Variants in ALOX5 observed in about 807,000 individuals in gnomAD.
ALOX5 encodes the protein arachidonate 5-lipoxygenase.
A neutral mutation model predicts 87.9 loss-of-function variants in ALOX5; 64 were observed. The observed-to-expected ratio is 0.73, with a 90% confidence interval of 0.60 to 0.90. The LOEUF (loss-of-function observed/expected upper bound fraction) is 0.90, where lower values mean the gene tolerates loss of function less well. Ranked by LOEUF, ALOX5 falls within the 40% of genes least tolerant of loss-of-function variation. The probability of loss-of-function intolerance (pLI) is 0.00; values close to 1 mark genes in which losing one functional copy is unlikely to be tolerated. For synonymous variants in ALOX5, 388 were observed against 355.1 expected (o/e 1.09, Z -1.04); for missense variants, 822 against 907.5 (o/e 0.91, Z 1.21).
intron 7 of ALOX5, among the ~76,000 whole-genome samples, chr10:45,430,372 G>T (rs1841865618): frequency 6.6e-6 from 1 of 151,588 alleles, no homozygotes; most frequent in South Asian, 2.1e-4. Flanking sequence ...TTCTTTGAAA[G>T]GTCCAAAAAA....
intron 2 of ALOX5, among the ~76,000 whole-genome samples, chr10:45,394,243 G>T (rs1840413422): frequency 6.6e-6 from 1 of 152,132 alleles, no homozygotes; most frequent in Non-Finnish European, 1.5e-5. Context: ...CATGGTACTG[G>T]TACCAAAACA....
At chr10:45,379,364 T>TG (rs1564408338) in intron 1 of ALOX5, among the ~76,000 whole-genome samples, 1 of 152,114 alleles carries the variant, frequency 6.6e-6, no homozygotes, top group Non-Finnish European at 1.5e-5. Flanking sequence ...GGGCCTCTGG[T>TG]GGCCGCCCCT....
intron 3 of ALOX5, among the ~76,000 whole-genome samples, chr10:45,410,674 T>G (rs200634300): frequency 3.3e-5 from 5 of 152,204 alleles, no homozygotes; most frequent in Non-Finnish European, 5.9e-5. Flanking sequence ...AAAGAAAATT[T>G]TAAAAGGAAG....
chr10:45,416,880 G>A (rs1329387021), intron 4 of ALOX5, among the ~76,000 whole-genome samples: 1 of 151,936 alleles, frequency 6.6e-6, no homozygotes, highest in Non-Finnish European at 1.5e-5. Context: ...ATGGATTGAT[G>A]GGTGGATGGT....
intron 2 of ALOX5, among the ~76,000 whole-genome samples, chr10:45,391,910 C>G (rs983515720): frequency 5.2e-5 from 6 of 114,466 alleles, no homozygotes; most frequent in African/African-American, 1.7e-4. Flanking sequence ...AAGTGAGGAG[C>G]CCCTCCGCCC....
At chr10:45,380,483 C>G (rs898339256) in intron 1 of ALOX5, among the ~76,000 whole-genome samples, 1 of 152,232 alleles carries the variant, frequency 6.6e-6, no homozygotes, top group African/African-American at 2.4e-5. Context: ...TTAGGAAGCC[C>G]TCCAGGGGTC....
chr10:45,435,738 A>T (rs1000182084), intron 7 of ALOX5, among the ~76,000 whole-genome samples: 1 of 152,214 alleles, frequency 6.6e-6, no homozygotes. Context: ...GCTGCAATAA[A>T]CATATGTGTG....
intron 1 of ALOX5, among the ~76,000 whole-genome samples, chr10:45,375,166 C>T (rs932000973): frequency 6.6e-6 from 1 of 152,172 alleles, no homozygotes; most frequent in African/African-American, 2.4e-5. Flanking sequence ...AGAGGCTTTT[C>T]CTAAATGGAG....
At chr10:45,437,039 T>A (rs946272994) in intron 7 of ALOX5, among the ~76,000 whole-genome samples, 44 of 152,150 alleles carry the variant, frequency 2.9e-4, no homozygotes, top group Non-Finnish European at 4.1e-4. Flanking sequence ...AACCTGAACA[T>A]TGTTGGTGCA....
chr10:45,397,369 C>T lies in ALOX5; in HGVS notation c.431+1433C>T, dbSNP rs181612054. Among the ~76,000 whole-genome samples, 22 of 152,296 alleles carry T rather than the reference C, an allele frequency of 1.4e-4. No homozygotes were observed. The East Asian group carries it at 4.2e-3, about 29-fold the overall frequency. ...CACTCCAGCATGGTGACAAGCAAGA[C>T]TCCGTCCCCCCACATACACAAAAAA... On this transcript the variant is annotated intron_variant, in intron 3 of 13. Coordinates refer to ENST00000374391, the MANE Select transcript of ALOX5 (RefSeq NM_000698.5).
chr10:45,408,260 G>A lies in ALOX5; in HGVS notation c.432-3931G>A, dbSNP rs983748677. The stretch of plus-strand genomic sequence containing the variant: ...CAGCCCCAGGAGATCCTGAGAACAT[G>A]CACCCAAGGTGGTTGGGGTACAGCT... On this transcript the variant is annotated intron_variant, in intron 3 of 13. Transcript: ENST00000374391. Among the ~76,000 whole-genome samples the A allele has an allele frequency of 5.3e-5, 8 of 152,164 alleles. No homozygotes were observed. In the South Asian group the frequency reaches 8.3e-4, roughly 16 times the overall value.
rs577436556 is a variant in ALOX5 at position 45,380,562 on chromosome 10, G to A, written c.151-1921G>A. 2.0e-5 allele frequency among the ~76,000 whole-genome samples: 3 copies of A among 152,318 alleles called. No individual in the cohort carries two copies. The South Asian group carries it at 6.2e-4, about 32-fold the overall frequency. ...GCTCGCACAAAGGATGATACCCCTC[G>A]CCCCTTCCACTTTGCCATCATGCTG... is the stretch of plus-strand genomic sequence containing the variant. On this transcript the variant is annotated intron_variant, in intron 1 of 13. Coordinates refer to ENST00000374391, the MANE Select transcript of ALOX5 (RefSeq NM_000698.5).
At chr10:45,386,914 A>C (rs1044842858) in intron 2 of ALOX5, among the ~76,000 whole-genome samples, 4 of 152,202 alleles carry the variant, frequency 2.6e-5, no homozygotes, top group African/African-American at 9.6e-5. Context: ...CAACTCCTGC[A>C]GTGAGAGACG....
chr10:45,433,593 G>C (rs756187258), intron 7 of ALOX5, among the ~76,000 whole-genome samples: 5 of 152,206 alleles, frequency 3.3e-5, no homozygotes, highest in Non-Finnish European at 5.9e-5. Flanking sequence ...AATTGCAGAA[G>C]TTAACAGGCA....
intron 12 of ALOX5, 89 bp from the exon 13 acceptor site, chr10:45,444,027 T>C (rs1048318445): frequency 6.9e-7 from 1 of 1,456,684 alleles, no homozygotes; most frequent in African/African-American, 1.4e-5. Flanking sequence ...CCCGCTGGAG[T>C]TGGGGGGCAC....
In ALOX5 at chr10:45,382,467, C is replaced by CT. The variant is rs748087462; in HGVS notation, c.151-15dup. ...AGGAGACCACGCATGGCCTGATTGC[C>CT]TGTTCTCCTTCCCAGGTGGATTCAT... On this transcript the variant is annotated splice_polypyrimidine_tract_variant and intron_variant, in intron 1 of 13. Coordinates refer to ENST00000374391, the MANE Select transcript of ALOX5 (RefSeq NM_000698.5). 1.5e-5 allele frequency: 25 copies of CT among 1,613,950 alleles called. No individual in the cohort carries two copies. Among genetic ancestry groups the CT allele is most frequent in the Non-Finnish European group, 2.1e-5 (25 of 1,179,966 alleles).
chr10:45,391,200 C>T (rs1840231229), intron 2 of ALOX5, among the ~76,000 whole-genome samples: 1 of 151,992 alleles, frequency 6.6e-6, no homozygotes, highest in Non-Finnish European at 1.5e-5. Context: ...CTGCCTGATT[C>T]TCCTGCCTCA....
chr10:45,379,787 A>G (rs1839764445), intron 1 of ALOX5, among the ~76,000 whole-genome samples: 1 of 152,176 alleles, frequency 6.6e-6, no homozygotes, highest in African/African-American at 2.4e-5. Flanking sequence ...TAGATGAAGA[A>G]ACAGCTTCAG....
intron 1 of ALOX5, among the ~76,000 whole-genome samples, chr10:45,375,677 A>G (rs1839578742): frequency 1.3e-5 from 2 of 151,886 alleles, no homozygotes; most frequent in African/African-American, 4.8e-5. Flanking sequence ...CTGGATTCCA[A>G]GCTCTCCATG....
Sources: allele counts gnomAD v4.1 joint callset (sites outside exome capture counted in the v4.1 genomes callset), GRCh38; gene constraint gnomAD v4.1.1; transcripts MANE v1.5; gene names NCBI Gene and HGNC (gene_info 2026-07-23, HGNC 2026-07-21).